NXPE2: variants seen among roughly 807,000 people sequenced by gnomAD.
The protein encoded by NXPE2 is neurexophilin and PC-esterase domain family member 2.
Under a neutral mutation model 34.4 loss-of-function variants are expected in NXPE2, and 34 were observed. The ratio of observed to expected loss-of-function variants is 0.99; its 90% CI spans 0.75 to 1.31. The LOEUF is 1.31. Ranked by LOEUF, NXPE2 falls within the 40% of genes most tolerant of loss-of-function variation. The pLI is 0.00. For missense variants in NXPE2, 649 were observed against 672.5 expected (o/e 0.97, Z 0.39); for synonymous variants, 235 against 231.3 (o/e 1.02, Z -0.15).
the NXPE2 span, among the ~76,000 whole-genome samples, chr11:114,769,009 A>G: frequency 6.6e-6 from 1 of 152,222 alleles, no homozygotes; most frequent in African/African-American, 2.4e-5. Context: ...AACTATCATC[A>G]GAGTGAACAG....
the NXPE2 span, among the ~76,000 whole-genome samples, chr11:114,725,226 A>G: frequency 1.3e-5 from 2 of 152,154 alleles, no homozygotes; most frequent in African/African-American, 2.4e-5. Flanking sequence ...TCCTAACATT[A>G]GCACGTATCA....
At chr11:114,679,103 T>G (rs1210576178) in intron 1 of NXPE2, among the ~76,000 whole-genome samples, 1 of 151,998 alleles carries the variant, frequency 6.6e-6, no homozygotes, top group Non-Finnish European at 1.5e-5. Flanking sequence ...TTCACTCTTT[T>G]TGGCAGTGTT....
At chr11:114,586,815 C>G in the NXPE2 span, among the ~76,000 whole-genome samples, 2 of 152,178 alleles carry the variant, frequency 1.3e-5, no homozygotes, top group Admixed American at 6.5e-5. Context: ...CCTATCCACT[C>G]TCTGTATGCA....
At chr11:114,614,900 T>C in the NXPE2 span, among the ~76,000 whole-genome samples, 1 of 151,856 alleles carries the variant, frequency 6.6e-6, no homozygotes, top group Non-Finnish European at 1.5e-5. Flanking sequence ...GCCTCTAGGG[T>C]AATCACTGTT....
At chr11:114,636,882 A>T in the NXPE2 span, among the ~76,000 whole-genome samples, 1 of 152,090 alleles carries the variant, frequency 6.6e-6, no homozygotes, top group African/African-American at 2.4e-5. Flanking sequence ...TTTATTTCCA[A>T]GTATATGGTC....
chr11:114,478,412 A>C, the NXPE2 span, among the ~76,000 whole-genome samples: 1 of 152,202 alleles, frequency 6.6e-6, no homozygotes, highest in African/African-American at 2.4e-5. Context: ...CAGACATCTC[A>C]AAGAATTTAC....
the NXPE2 span, among the ~76,000 whole-genome samples, chr11:114,636,235 T>C: frequency 6.6e-6 from 1 of 152,096 alleles, no homozygotes; most frequent in Non-Finnish European, 1.5e-5. Context: ...TTCTAGATTC[T>C]CTAGTTTATT....
chr11:114,757,163 T>C, the NXPE2 span, among the ~76,000 whole-genome samples: 1 of 152,234 alleles, frequency 6.6e-6, no homozygotes, highest in Non-Finnish European at 1.5e-5. Flanking sequence ...TAAAAATATT[T>C]GTTACAAAAA....
the NXPE2 span, among the ~76,000 whole-genome samples, chr11:114,669,539 T>C: frequency 6.6e-6 from 1 of 152,046 alleles, no homozygotes; most frequent in Non-Finnish European, 1.5e-5. Context: ...ACCCAGCCCC[T>C]ACTTATAGAG....
the NXPE2 span, among the ~76,000 whole-genome samples, chr11:114,634,591 T>G: frequency 1.2e-4 from 18 of 152,162 alleles, no homozygotes; most frequent in Non-Finnish European, 2.2e-4. Flanking sequence ...GTTTTTATGG[T>G]TTTAGGTCTA....
intron 2 of NXPE2, among the ~76,000 whole-genome samples, chr11:114,688,491 AT>A (rs1951087539): frequency 6.6e-6 from 1 of 152,044 alleles, no homozygotes; most frequent in African/African-American, 2.4e-5. Context: ...GTTTGCTAGT[AT>A]TTTATCAAGG....
the NXPE2 span, chr11:114,521,953 T>C: frequency 2.9e-5 from 45 of 1,569,560 alleles, no homozygotes; most frequent in African/African-American, 4.6e-4. Context: ...AGTGATTTTG[T>C]ATAGTATTTA....
chr11:114,742,620 A>ATTTTTT, the NXPE2 span, among the ~76,000 whole-genome samples: 101 of 133,694 alleles, frequency 7.6e-4, 3 homozygotes, highest in African/African-American at 1.2e-3. Context: ...TTATTCTTGG[A>ATTTTTT]TTTTTTTTTT....
chr11:114,515,060 T>C, the NXPE2 span, among the ~76,000 whole-genome samples: 1 of 152,144 alleles, frequency 6.6e-6, no homozygotes, highest in Non-Finnish European at 1.5e-5. Context: ...TGTTTTCCCT[T>C]TATAATATCC....
chr11:114,679,110 T>C (rs983722037), intron 1 of NXPE2, among the ~76,000 whole-genome samples: 16 of 152,158 alleles, frequency 1.1e-4, no homozygotes, highest in African/African-American at 3.9e-4. Context: ...TTTTTGGCAG[T>C]GTTTATCAAC....
the NXPE2 span, among the ~76,000 whole-genome samples, chr11:114,481,011 A>G: frequency 3.9e-4 from 60 of 152,162 alleles, no homozygotes; most frequent in Admixed American, 3.9e-3. Context: ...TACCAGAGTT[A>G]TGATTGGATT....
chr11:114,491,990 CA>C, the NXPE2 span, among the ~76,000 whole-genome samples: 1 of 152,020 alleles, frequency 6.6e-6, no homozygotes, highest in Non-Finnish European at 1.5e-5. Context: ...AGGGGAACAT[CA>C]CGCTCTGGGG....
chr11:114,613,984 T>G, the NXPE2 span, among the ~76,000 whole-genome samples: 1 of 150,894 alleles, frequency 6.6e-6, no homozygotes, highest in East Asian at 2.0e-4. Flanking sequence ...GTATTGCCTC[T>G]AGGGTTACCA....
the NXPE2 span, among the ~76,000 whole-genome samples, chr11:114,777,049 A>C: frequency 1.3e-5 from 2 of 152,248 alleles, no homozygotes; most frequent in African/African-American, 4.8e-5. Context: ...CCTGTTGGGC[A>C]CTGCACAACT....
Sources: allele counts gnomAD v4.1 joint callset (sites outside exome capture counted in the v4.1 genomes callset), GRCh38; gene constraint gnomAD v4.1.1; transcripts MANE v1.5; gene names NCBI Gene and HGNC (gene_info 2026-07-23, HGNC 2026-07-21).